The following FYB2 variants were observed in gnomAD, a reference collection of about 807,000 sequenced individuals.
FYB2 encodes the protein FYN-binding protein 2.
A neutral mutation model predicts 94.1 loss-of-function variants in FYB2; 103 were observed. That is an observed-to-expected ratio of 1.09 (90% CI 0.93 to 1.29). FYB2 has a LOEUF of 1.29. FYB2 is among the 50% of genes most tolerant of loss of function. The pLI is 0.00. For missense variants in FYB2, 896 were observed against 841.5 expected (o/e 1.06, Z -0.80); for synonymous variants, 293 against 287.9 (o/e 1.02, Z -0.18).
At chr1:56,768,331 C>T (rs1645675107) in intron 4 of FYB2, among the ~76,000 whole-genome samples, 1 of 152,188 alleles carries the variant, frequency 6.6e-6, no homozygotes, top group South Asian at 2.1e-4. Context: ...AAGTCTGAAC[C>T]ATAAGCCTCA....
At chr1:56,816,629 A>G (rs1022865702) in intron 1 of FYB2, among the ~76,000 whole-genome samples, 7 of 152,104 alleles carry the variant, frequency 4.6e-5, no homozygotes, top group Non-Finnish European at 8.8e-5. Context: ...CTAAACATCT[A>G]CTACACACCC....
chr1:56,729,814 C>T (rs1032254000), intron 15 of FYB2, among the ~76,000 whole-genome samples: 3 of 152,024 alleles, frequency 2.0e-5, no homozygotes, highest in African/African-American at 7.2e-5. Context: ...TTTTAAAAAT[C>T]AAAATCATAT....
intron 16 of FYB2, among the ~76,000 whole-genome samples, chr1:56,725,450 T>C (rs1376960615): frequency 1.3e-5 from 2 of 152,008 alleles, no homozygotes; most frequent in African/African-American, 2.4e-5. Context: ...ATCACTCTGT[T>C]GTAAAAAAAT....
At chr1:56,795,630 C>T (rs11206918) in intron 1 of FYB2, among the ~76,000 whole-genome samples, 9,281 of 141,654 alleles carry the variant, frequency 0.066, 511 homozygotes, top group East Asian at 0.24. Flanking sequence ...TCCACATCTT[C>T]ACCAACACTT....
chr1:56,791,206 G>A (rs945166638), intron 2 of FYB2, among the ~76,000 whole-genome samples: 1 of 151,318 alleles, frequency 6.6e-6, no homozygotes, highest in Non-Finnish European at 1.5e-5. Flanking sequence ...TATTCAATCT[G>A]GCGTTTTTCT....
chr1:56,753,900 T>C lies in FYB2; in HGVS notation c.1166A>G (p.Gln389Arg). 6.2e-7 allele frequency: 1 copy of C among 1,611,394 alleles called. No individual in the cohort carries two copies. Residue 389 changes from glutamine (Q) to arginine (R), a missense_variant, in exon 8 of 20, where the codon CAA becomes CGA. Coordinates refer to ENST00000343433, the MANE Select transcript of FYB2 (RefSeq NM_001004303.5). The stretch of plus-strand genomic sequence containing the variant: ...GTTTTTAGGTTTCAATTCACATGGT[T>C]GTTTTTCCTTCATTTTTTTATCTTC... ...KHEDKKMKEK[Q>R]PCELKPKNTE...
intron 4 of FYB2, among the ~76,000 whole-genome samples, chr1:56,784,867 C>T (rs1217646419): frequency 1.3e-5 from 2 of 152,164 alleles, no homozygotes; most frequent in African/African-American, 2.4e-5. Flanking sequence ...TTGATAGTCT[C>T]ACAAAAGAGA....
intron 9 of FYB2, among the ~76,000 whole-genome samples, chr1:56,747,240 C>T (rs987571243): frequency 1.3e-5 from 2 of 151,748 alleles, no homozygotes; most frequent in Non-Finnish European, 2.9e-5. Flanking sequence ...GACTTACCTT[C>T]TCACTCTTTT....
intron 12 of FYB2, among the ~76,000 whole-genome samples, chr1:56,741,737 CG>C (rs890233888): frequency 9.2e-5 from 14 of 151,912 alleles, no homozygotes; most frequent in Admixed American, 7.2e-4. Context: ...GCCCAAATCC[CG>C]GAGATAGCCT....
intron 19 of FYB2, 120 bp from the exon 20 acceptor site, chr1:56,719,812 A>T: frequency 8.9e-7 from 1 of 1,129,146 alleles, no homozygotes; most frequent in Non-Finnish European, 1.3e-6. Context: ...TAAAATGTTT[A>T]TAAAGCTGTG....
chr1:56,773,417 G>T lies in FYB2; in HGVS notation c.954-5479C>A, dbSNP rs79109120. Reference sequence around the variant, plus strand: ...ACATTAATAGCTACCATTTCTTGAGGGCTTACCATGTGTTAGACACCGTGC... The same window carrying T: ...ACATTAATAGCTACCATTTCTTGAGTGCTTACCATGTGTTAGACACCGTGC... On this transcript the variant is annotated intron_variant, in intron 4 of 19. Transcript: ENST00000343433. 3.6e-3 allele frequency among the ~76,000 whole-genome samples: 544 copies of T among 152,206 alleles called. 5 individuals are homozygous for T. The highest frequency in any genetic ancestry group is 0.011 in the African/African-American group (465 of 41,524).
Position 56,757,687 on chromosome 1 carries a change from C to CTTCTTTCTTTCTTTCTTTCT in FYB2, c.1098+1009_1098+1028dup, listed in dbSNP as rs1191302491. 6.0e-4 allele frequency among the ~76,000 whole-genome samples: 43 copies of CTTCTTTCTTTCTTTCTTTCT among 71,936 alleles called. 1 individual carries two copies. The highest frequency in any genetic ancestry group is 8.2e-4 in the Non-Finnish European group (32 of 39,066). 47.2% of individuals were successfully genotyped at this position (71,936 alleles called of 152,430 possible). On this transcript the variant is annotated intron_variant, in intron 6 of 19. Transcript: ENST00000343433. Reference sequence around the variant, plus strand: ...TCTTTCTTTCCTCTTTCCTTCCTTCCTTCTTTCTTTCTTTCTTTCTTTCTT... The same window carrying CTTCTTTCTTTCTTTCTTTCT: ...TCTTTCTTTCCTCTTTCCTTCCTTCCTTCTTTCTTTCTTTCTTTCTTTCTTTCTTTCTTTCTTTCTTTCTT...
Position 56,758,721 on chromosome 1 carries a change from G to A in FYB2, c.1093C>T (p.Gln365Ter). Residue 365 changes from glutamine to a stop codon, truncating the protein, a stop_gained, in exon 6 of 20, where the codon CAA (glutamine) becomes TAA (stop). Coordinates refer to ENST00000343433, the MANE Select transcript of FYB2 (RefSeq NM_001004303.5). LOFTEE classifies it high-confidence loss of function. Reference protein sequence around the residue: ...PTYEVGIEELQKPGKNFPYPE... With the variant: ...PTYEVGIEEL Reference sequence around the variant, plus strand: ...TTGGTAAGGAGAAACAATACCTTTTGGAGTTCTTCAATTCCAACTTCATAA... The same window carrying A: ...TTGGTAAGGAGAAACAATACCTTTTAGAGTTCTTCAATTCCAACTTCATAA... The A allele has an allele frequency of 6.3e-7, 1 of 1,591,512 alleles. No homozygotes were observed. The highest frequency in any genetic ancestry group is 1.2e-5 in the South Asian group (1 of 86,540).
At chr1:56,823,949 C>T (rs917634692), upstream of FYB2, 1 of 152,342 alleles carries the variant, frequency 6.6e-6, no homozygotes, top group East Asian at 1.9e-4. Context: ...ATGTCAATCA[C>T]TCCCATGTTC....
intron 4 of FYB2, among the ~76,000 whole-genome samples, chr1:56,786,433 T>C (rs1041729430): frequency 6.6e-6 from 1 of 152,234 alleles, no homozygotes; most frequent in Non-Finnish European, 1.5e-5. Flanking sequence ...CACTTTACCA[T>C]TGTAAACATT....
At chr1:56,774,061 C>A (rs1446679546) in intron 4 of FYB2, among the ~76,000 whole-genome samples, 1 of 152,070 alleles carries the variant, frequency 6.6e-6, no homozygotes, top group Non-Finnish European at 1.5e-5. Flanking sequence ...TAAAATGGAT[C>A]TCAAAATTCA....
intron 4 of FYB2, among the ~76,000 whole-genome samples, chr1:56,778,138 G>C (rs1252946443): frequency 6.6e-6 from 1 of 152,070 alleles, no homozygotes; most frequent in African/African-American, 2.4e-5. Context: ...GGCAAAGGCT[G>C]CTCCTGCTAT....
chr1:56,737,085 A>C lies in FYB2; in HGVS notation c.1793+2T>G, dbSNP rs762036953. On this transcript the variant is annotated splice_donor_variant, in intron 15 of 19. Coordinates refer to ENST00000343433, the MANE Select transcript of FYB2 (RefSeq NM_001004303.5). LOFTEE classifies it high-confidence loss of function. ...GGATGACCAATAAGGTAAATTACTT[A>C]CTTTGACTCTTTTTCACTCAGGTCT... The C allele has an allele frequency of 6.3e-7, 1 of 1,595,288 alleles. No individual in the cohort carries two copies. Among genetic ancestry groups the C allele is most frequent in the Non-Finnish European group, 8.6e-7 (1 of 1,165,282 alleles).
chr1:56,818,883 C>A (rs1442204830), intron 1 of FYB2, among the ~76,000 whole-genome samples: 1 of 152,196 alleles, frequency 6.6e-6, no homozygotes, highest in African/African-American at 2.4e-5. Context: ...AAGCACTGCT[C>A]TCTGACCAGG....
Sources: gnomAD v4.1 joint callset for allele counts (sites outside exome capture counted in the v4.1 genomes callset) on GRCh38, gnomAD v4.1.1 for gene constraint, MANE v1.5 for transcripts, NCBI Gene and HGNC (gene_info 2026-07-23, HGNC 2026-07-21) for gene names.